MTUS2: variants seen among roughly 807,000 people sequenced by gnomAD.
MTUS2 encodes the protein microtubule associated scaffold protein 2, also known as microtubule-associated tumor suppressor candidate 2.
A neutral mutation model predicts 114.1 loss-of-function variants in MTUS2; 40 were observed. That is an observed-to-expected ratio of 0.35 (90% CI 0.27 to 0.46). The LOEUF is 0.46. Ranked by LOEUF, MTUS2 falls within the 20% of genes least tolerant of loss-of-function variation. MTUS2 has a pLI of 1.00. For missense variants in MTUS2, 1,679 were observed against 1,705.4 expected, an observed-to-expected ratio of 0.98 and a Z score of 0.27; for synonymous variants, 688 against 672.0, an observed-to-expected ratio of 1.02 and a Z score of -0.37.
chr13:28,903,909 C>T (rs1436246009), intron 2 of MTUS2, among the ~76,000 whole-genome samples: 1 of 152,158 alleles, frequency 6.6e-6, no homozygotes, highest in Non-Finnish European at 1.5e-5. Flanking sequence ...TTCTCCACAT[C>T]CTCTCCAACA....
chr13:29,498,350 T>C (rs1321839499), intron 13 of MTUS2, 68 bp from the exon 14 acceptor site: 47 of 1,595,310 alleles, frequency 2.9e-5, no homozygotes, highest in Non-Finnish European at 3.4e-5. Context: ...GCTGGATTCG[T>C]GACATTGGTT....
At chr13:29,398,192 G>A (rs1376231395) in intron 8 of MTUS2, among the ~76,000 whole-genome samples, 2 of 152,186 alleles carry the variant, frequency 1.3e-5, no homozygotes, top group Admixed American at 6.5e-5. Context: ...CAGGCATGGT[G>A]GCTCATGCCT....
intron 8 of MTUS2, chr13:29,428,973 G>A (rs1876790213): frequency 2.1e-6 from 3 of 1,441,820 alleles, no homozygotes; most frequent in Middle Eastern, 3.5e-4. Context: ...CAGCCACCTC[G>A]GTGCCTGTCC....
intron 4 of MTUS2, among the ~76,000 whole-genome samples, chr13:29,098,032 G>A (rs9508270): frequency 0.67 from 102,180 of 152,004 alleles, 35,050 homozygotes; most frequent in Non-Finnish European, 0.74. Flanking sequence ...GTGAGTTGGC[G>A]TATTCTGTTG....
chr13:29,082,600 G>A (rs1210991888), intron 4 of MTUS2, among the ~76,000 whole-genome samples: 11 of 152,132 alleles, frequency 7.2e-5, no homozygotes, highest in African/African-American at 2.2e-4. Context: ...TAGAATATGC[G>A]AGAGGGCCCA....
chr13:29,392,822 A>G (rs913329092), intron 8 of MTUS2, among the ~76,000 whole-genome samples: 1 of 152,196 alleles, frequency 6.6e-6, no homozygotes, highest in African/African-American at 2.4e-5. Context: ...TCACACAGCA[A>G]TGTGGATGTA....
chr13:29,492,324 G>C (rs891109015), intron 11 of MTUS2, among the ~76,000 whole-genome samples: 1 of 151,346 alleles, frequency 6.6e-6, no homozygotes, highest in African/African-American at 2.4e-5. Context: ...GTGTATGTGT[G>C]GCATGTGGTG....
intron 8 of MTUS2, chr13:29,428,898 T>TAGGG (rs1876780266): frequency 2.5e-6 from 4 of 1,613,888 alleles, no homozygotes; most frequent in Non-Finnish European, 3.4e-6. Flanking sequence ...GACAAGACGG[T>TAGGG]ACTTTGCCTT....
rs147758891 is a variant in MTUS2, at chr13:29,480,420, C to T, written c.3399+56C>T. On this transcript the variant is annotated intron_variant, in intron 10 of 15. Transcript: ENST00000612955. The surrounding 1 kb of genome is among the most constrained non-coding windows in gnomAD (Gnocchi z 4.4). ...GTTGGGTGATGCAGGTGGCGGGCGGCGGGGATCCAGTGCCACATTAGCAAG... is the reference window on the plus strand; with the variant it reads ...GTTGGGTGATGCAGGTGGCGGGCGGTGGGGATCCAGTGCCACATTAGCAAG... The T allele has an allele frequency of 1.1e-5, 16 of 1,456,388 alleles. 1 individual carries two copies. The South Asian group carries it at 1.1e-4, about 10-fold the overall frequency. The allele number at this position is 1,456,388 out of a possible 1,614,324, so 90.2% of individuals were successfully genotyped here.
intron 4 of MTUS2, among the ~76,000 whole-genome samples, chr13:29,082,372 G>C (rs1889482504): frequency 6.6e-6 from 1 of 152,136 alleles, no homozygotes; most frequent in Non-Finnish European, 1.5e-5. Flanking sequence ...ATTGATTAGG[G>C]GATGAAAAGT....
At chr13:28,938,049 T>C (rs1488241482) in intron 2 of MTUS2, among the ~76,000 whole-genome samples, 1 of 152,182 alleles carries the variant, frequency 6.6e-6, no homozygotes, top group Non-Finnish European at 1.5e-5. Flanking sequence ...CTCCTGAGAA[T>C]ATAACAAAGT....
chr13:28,867,274 G>A (rs928600963), intron 2 of MTUS2, among the ~76,000 whole-genome samples: 9 of 152,112 alleles, frequency 5.9e-5, no homozygotes, highest in African/African-American at 2.2e-4. Context: ...TAGCCCTTGG[G>A]AATATGTAAC....
At position 29,505,221 on chromosome 13, in the gene MTUS2, C is replaced by T. The variant is rs1219462065; in HGVS notation, c.*2015C>T. 2 of 231,910 alleles carry T rather than the reference C, an allele frequency of 8.6e-6. No homozygotes were observed. The highest frequency in any genetic ancestry group is 1.7e-5 in the Non-Finnish European group (2 of 117,006). The allele number at this position is 231,910 out of a possible 1,614,324, so 14.4% of individuals were successfully genotyped here. A position where few individuals can be genotyped will look rare whatever the true frequency, so the allele number is the denominator to read the frequency against. On this transcript the variant is annotated 3_prime_UTR_variant, in exon 16 of 16. Transcript: ENST00000612955. ...AAACACAAATTCAGTTACAGCTTAG[C>T]TGTCCGAATTAGGAACCGCTTACAT... is the stretch of plus-strand genomic sequence containing the variant.
intron 5 of MTUS2, among the ~76,000 whole-genome samples, chr13:29,101,822 AGATC>A (rs1321662679): frequency 6.6e-6 from 1 of 152,164 alleles, no homozygotes; most frequent in Non-Finnish European, 1.5e-5. Flanking sequence ...AGAGAGAGAG[AGATC>A]GATTGATTTG....
At chr13:28,937,740 C>T (rs570990894) in intron 2 of MTUS2, among the ~76,000 whole-genome samples, 1 of 152,072 alleles carries the variant, frequency 6.6e-6, no homozygotes, top group African/African-American at 2.4e-5. Context: ...CCTAGAGTGT[C>T]CCTGAGTGGG....
At chr13:29,375,604 T>TAAA (rs1566163652) in intron 8 of MTUS2, among the ~76,000 whole-genome samples, 2 of 4,950 alleles carry the variant, frequency 4.0e-4, no homozygotes, top group African/African-American at 9.4e-4. Context: ...TATATATATA[T>TAAA]ATACGTATAT....
At chr13:29,445,060 G>A (rs1176403244) in intron 9 of MTUS2, among the ~76,000 whole-genome samples, 2 of 152,138 alleles carry the variant, frequency 1.3e-5, no homozygotes, top group Non-Finnish European at 2.9e-5. Flanking sequence ...GTGGTATCAC[G>A]ACTGTATCTT....
At chr13:29,125,946 C>A (rs896058456) in intron 5 of MTUS2, among the ~76,000 whole-genome samples, 16 of 152,292 alleles carry the variant, frequency 1.1e-4, no homozygotes, top group African/African-American at 3.6e-4. Flanking sequence ...TGAAATGATT[C>A]CACTGGATTG....
At chr13:29,046,072 A>G (rs980647066) in intron 4 of MTUS2, among the ~76,000 whole-genome samples, 1 of 150,288 alleles carries the variant, frequency 6.7e-6, no homozygotes, top group African/African-American at 2.4e-5. Flanking sequence ...TAGACACCCC[A>G]CTATTCTACT....
Sources: allele counts gnomAD v4.1 joint callset (sites outside exome capture counted in the v4.1 genomes callset), GRCh38; gene constraint gnomAD v4.1.1; non-coding constraint Gnocchi (gnomAD v3.1); transcripts MANE v1.5; gene names NCBI Gene and HGNC (gene_info 2026-07-23, HGNC 2026-07-21).